Variants in NCOA2 observed in about 807,000 individuals in gnomAD.
NCOA2 encodes nuclear receptor coactivator 2, also known as class E basic helix-loop-helix protein 75.
Under a neutral mutation model 145.1 loss-of-function variants are expected in NCOA2, and 21 were observed. The ratio of observed to expected loss-of-function variants is 0.14; its 90% confidence interval spans 0.10 to 0.21. The LOEUF is 0.21. Among genes scored for constraint, NCOA2 ranks in the 10% least tolerant of loss-of-function variants. The pLI, the probability that NCOA2 is intolerant of heterozygous loss-of-function variation, is 1.00. For synonymous variants in NCOA2, 619 were observed against 637.5 expected (o/e 0.97, Z 0.44); for missense variants, 1,472 against 1,837.6 (o/e 0.80, Z 3.64).
intron 1 of NCOA2, among the ~76,000 whole-genome samples, chr8:70,305,198 A>G (rs995174282): frequency 6.6e-6 from 1 of 151,602 alleles, no homozygotes; most frequent in Non-Finnish European, 1.5e-5. Flanking sequence ...CATTAACATT[A>G]TATATGTAAC....
At chr8:70,418,914 A>C in the NCOA2 span, among the ~76,000 whole-genome samples, 2 of 152,210 alleles carry the variant, frequency 1.3e-5, no homozygotes, top group African/African-American at 4.8e-5. Flanking sequence ...ACATATTTAT[A>C]ATTGACAATT....
At chr8:70,295,494 A>G (rs769907949) in intron 2 of NCOA2, among the ~76,000 whole-genome samples, 4 of 152,180 alleles carry the variant, frequency 2.6e-5, no homozygotes, top group Non-Finnish European at 5.9e-5. Context: ...TGGGACAGTG[A>G]CAAAATAAAT....
chr8:70,330,148 G>A (rs1806957009), intron 1 of NCOA2, among the ~76,000 whole-genome samples: 1 of 151,538 alleles, frequency 6.6e-6, no homozygotes, highest in African/African-American at 2.4e-5. Context: ...TACAAGATGG[G>A]AATAATGACT....
chr8:70,322,665 C>A (rs945860673), intron 1 of NCOA2, among the ~76,000 whole-genome samples: 2 of 152,120 alleles, frequency 1.3e-5, no homozygotes, highest in African/African-American at 4.8e-5. Flanking sequence ...GTTAACCTCC[C>A]TCGGCCTTAG....
intron 2 of NCOA2, among the ~76,000 whole-genome samples, chr8:70,217,500 G>A (rs1257820540): frequency 6.6e-6 from 1 of 152,082 alleles, no homozygotes; most frequent in African/African-American, 2.4e-5. Flanking sequence ...TCCCTCAGCT[G>A]GTTCTGGCTG....
At chr8:70,413,124 A>G in the NCOA2 span, among the ~76,000 whole-genome samples, 1 of 151,322 alleles carries the variant, frequency 6.6e-6, no homozygotes, top group African/African-American at 2.4e-5. Flanking sequence ...AAAAGAATAG[A>G]GACATAGGTT....
At chr8:70,187,613 A>T (rs1197444754) in intron 4 of NCOA2, among the ~76,000 whole-genome samples, 3 of 152,078 alleles carry the variant, frequency 2.0e-5, no homozygotes, top group Non-Finnish European at 4.4e-5. Context: ...ACTCTCAGAA[A>T]ATTAATTATG....
At chr8:70,277,922 ATACAATTCATCAATTTAAATAAAATG>A (rs1254111241) in intron 2 of NCOA2, among the ~76,000 whole-genome samples, 2 of 152,224 alleles carry the variant, frequency 1.3e-5, no homozygotes, top group Non-Finnish European at 1.5e-5. Flanking sequence ...TTTACATGCC[ATACAATTCATCAATTTAAATAAAATG>A]TACAATAGTT....
At chr8:70,167,516 C>T (rs1813752129) in intron 6 of NCOA2, among the ~76,000 whole-genome samples, 1 of 152,164 alleles carries the variant, frequency 6.6e-6, no homozygotes, top group South Asian at 2.1e-4. Context: ...ATACTGCCTC[C>T]TTGGGCAGAT....
At chr8:70,177,912 C>A (rs560623672) in intron 4 of NCOA2, among the ~76,000 whole-genome samples, 2 of 152,272 alleles carry the variant, frequency 1.3e-5, no homozygotes, top group East Asian at 3.9e-4. Context: ...GGTATCTATA[C>A]TAATGTTGCA....
At chr8:70,401,634 G>A (rs765321313) in intron 1 of NCOA2, among the ~76,000 whole-genome samples, 2 of 152,064 alleles carry the variant, frequency 1.3e-5, no homozygotes, top group South Asian at 4.1e-4. Context: ...AACCAGTGAA[G>A]CCATTATGAA....
chr8:70,213,886 TA>T lies in NCOA2; in HGVS notation c.259+16del. The stretch of plus-strand genomic sequence containing the variant: ...AAACCAATTCAACTCTTCAAAATAC[TA>T]ATTCAGTCCTCTTACCTTGTTCTTT... On this transcript the variant is annotated intron_variant, in intron 4 of 22. Coordinates refer to ENST00000452400, the MANE Select transcript of NCOA2 (RefSeq NM_006540.4). The T allele has an allele frequency of 6.4e-7, 1 of 1,556,090 alleles. No individual in the cohort carries two copies. Among genetic ancestry groups the T allele is most frequent in the Non-Finnish European group, 8.7e-7 (1 of 1,151,598 alleles).
chr8:70,311,748 A>G (rs114160175), intron 1 of NCOA2, among the ~76,000 whole-genome samples: 1,820 of 152,238 alleles, frequency 0.012, 50 homozygotes, highest in African/African-American at 0.042. Context: ...ATCACTTAAC[A>G]TTTCTAGTCC....
chr8:70,254,454 G>A (rs1465776803), intron 2 of NCOA2, among the ~76,000 whole-genome samples: 3 of 152,124 alleles, frequency 2.0e-5, no homozygotes, highest in Admixed American at 6.5e-5. Flanking sequence ...TAGCCAAAAG[G>A]TGAAAGCAAC....
chr8:70,176,929 T>C (rs1159868571), intron 4 of NCOA2, among the ~76,000 whole-genome samples: 3 of 152,168 alleles, frequency 2.0e-5, no homozygotes, highest in African/African-American at 7.2e-5. Context: ...AGGATCCCTA[T>C]GTTTCATGAA....
chr8:70,398,492 G>C (rs139206836), intron 1 of NCOA2, among the ~76,000 whole-genome samples: 5 of 152,164 alleles, frequency 3.3e-5, no homozygotes, highest in Non-Finnish European at 7.4e-5. Flanking sequence ...ACAACAGCAA[G>C]ACCAAAGTAA....
chr8:70,323,982 T>C (rs1340169562), intron 1 of NCOA2, among the ~76,000 whole-genome samples: 1 of 152,148 alleles, frequency 6.6e-6, no homozygotes, highest in Admixed American at 6.5e-5. Flanking sequence ...GCCCTTCCCC[T>C]ACCCATTACT....
intron 1 of NCOA2, among the ~76,000 whole-genome samples, chr8:70,313,980 C>T (rs1226032930): frequency 1.3e-5 from 2 of 151,612 alleles, no homozygotes; most frequent in African/African-American, 4.8e-5. Flanking sequence ...ACCATCCTGG[C>T]TACGGTGAAA....
intron 1 of NCOA2, among the ~76,000 whole-genome samples, chr8:70,367,332 G>A (rs144616223): frequency 6.6e-6 from 1 of 152,308 alleles, no homozygotes; most frequent in East Asian, 1.9e-4. Flanking sequence ...GCATTTGTGA[G>A]ATTAACATGA....
Sources: allele counts gnomAD v4.1 joint callset (sites outside exome capture counted in the v4.1 genomes callset), GRCh38; gene constraint gnomAD v4.1.1; transcripts MANE v1.5; gene names NCBI Gene and HGNC (gene_info 2026-07-23, HGNC 2026-07-21).